EYA4: variants seen among roughly 807,000 people sequenced by gnomAD.
The protein encoded by EYA4 is protein phosphatase EYA4.
In EYA4, 31 loss-of-function variants were observed where a neutral mutation model predicts 87.9. That is an observed-to-expected ratio of 0.35 (90% confidence interval 0.27 to 0.48). The LOEUF (loss-of-function observed/expected upper bound fraction) is 0.48. EYA4 is among the 20% of genes least tolerant of loss of function. EYA4 has a pLI of 0.99. For missense variants in EYA4, 678 were observed against 761.4 expected, an observed-to-expected ratio of 0.89 and a Z score of 1.29; for synonymous variants, 263 against 270.6, an observed-to-expected ratio of 0.97 and a Z score of 0.28.
rs936696136 is a variant in EYA4, at chr6:133,294,359, G to T, written c.33+19546G>T. 2.8e-4 allele frequency among the ~76,000 whole-genome samples: 41 copies of T among 144,246 alleles called. 1 individual carries two copies. The highest frequency in any genetic ancestry group is 1.8e-3 in the Admixed American group (26 of 14,388). The allele number at this position is 144,246 out of a possible 152,430, so 94.6% of individuals were successfully genotyped here. On this transcript the variant is annotated intron_variant, in intron 2 of 19. Coordinates refer to ENST00000355286, the MANE Select transcript of EYA4 (RefSeq NM_004100.5). ...GCTCTTTCTGTTTTTTTTTTGTTTT[G>T]TTTTTGTTTTTTTTGTTTTTTTTTT...
intron 1 of EYA4, among the ~76,000 whole-genome samples, chr6:133,261,660 G>C (rs1775806564): frequency 6.6e-6 from 1 of 152,190 alleles, no homozygotes; most frequent in African/African-American, 2.4e-5. Context: ...AGCTCCTGGA[G>C]ATCAGTGGTT....
At chr6:133,336,548 A>C (rs947711389) in intron 2 of EYA4, among the ~76,000 whole-genome samples, 5 of 152,228 alleles carry the variant, frequency 3.3e-5, no homozygotes, top group African/African-American at 1.2e-4. Flanking sequence ...TAGAGTGGAT[A>C]TTTCAGACAA....
chr6:133,316,331 A>G (rs905789983), intron 2 of EYA4, among the ~76,000 whole-genome samples: 2 of 152,214 alleles, frequency 1.3e-5, no homozygotes, highest in Non-Finnish European at 2.9e-5. Flanking sequence ...CCCACCGTGC[A>G]TAATTACAGT....
intron 2 of EYA4, among the ~76,000 whole-genome samples, chr6:133,326,765 TG>T (rs1431298337): frequency 6.6e-6 from 1 of 152,190 alleles, no homozygotes; most frequent in African/African-American, 2.4e-5. Flanking sequence ...GTGACTGAAG[TG>T]CTGCTCTTAA....
chr6:133,375,309 CTT>C (rs976132191), intron 2 of EYA4, among the ~76,000 whole-genome samples: 2 of 151,886 alleles, frequency 1.3e-5, no homozygotes, highest in African/African-American at 4.8e-5. Context: ...GTGGTATTAA[CTT>C]TTAAATATTA....
At chr6:133,413,829 T>C (rs1238258284) in intron 3 of EYA4, among the ~76,000 whole-genome samples, 1 of 152,162 alleles carries the variant, frequency 6.6e-6, no homozygotes, top group African/African-American at 2.4e-5. Flanking sequence ...ACTCAACATG[T>C]CCAGAATTGA....
At chr6:133,487,769 G>A (rs1385872952) in intron 13 of EYA4, among the ~76,000 whole-genome samples, 2 of 152,220 alleles carry the variant, frequency 1.3e-5, no homozygotes, top group Non-Finnish European at 2.9e-5. Context: ...GAGACTCAGA[G>A]ATGTGCTGGC....
intron 3 of EYA4, among the ~76,000 whole-genome samples, chr6:133,402,848 G>T (rs896703797): frequency 6.6e-6 from 1 of 152,110 alleles, no homozygotes; most frequent in Admixed American, 6.5e-5. Context: ...GGTAACAGGG[G>T]ACAAGACCAG....
At chr6:133,288,455 C>G (rs116563682) in intron 2 of EYA4, among the ~76,000 whole-genome samples, 253 of 152,268 alleles carry the variant, frequency 1.7e-3, no homozygotes, top group Middle Eastern at 0.014. Flanking sequence ...CCTGGAGTTT[C>G]AAGCCTAGAA....
intron 2 of EYA4, 66 bp downstream of exon 2, chr6:133,274,879 A>G: frequency 1.7e-6 from 2 of 1,168,586 alleles, no homozygotes; most frequent in South Asian, 1.2e-5. Context: ...CATACGTAAA[A>G]GAGATATATT....
At position 133,462,723 on chromosome 6, in the gene EYA4, C is replaced by T. The variant is rs747533734; in HGVS notation, c.683C>T (p.Thr228Ile). The change falls in exon 9 of 20, where the codon ACC becomes ATC. Residue 228 changes from threonine (T) to isoleucine (I), a missense_variant. By Grantham distance (89) the Thr-to-Ile change is moderately conservative (BLOSUM62 -1). Coordinates refer to ENST00000355286, the MANE Select transcript of EYA4 (RefSeq NM_004100.5). ...GCLSYSPGFS[T>I]PQPGQTPYSY... ...CTCAGTTACAGCCCAGGGTTCTCTA[C>T]CCCACAGCCAGGCCAGACACCTTAT... 4.3e-6 allele frequency: 7 copies of T among 1,613,908 alleles called. No homozygotes were observed. Among genetic ancestry groups the T allele is most frequent in the Admixed American group, 3.3e-5 (2 of 59,974 alleles).
intron 2 of EYA4, among the ~76,000 whole-genome samples, chr6:133,375,850 G>A (rs1005946381): frequency 3.3e-5 from 5 of 151,530 alleles, no homozygotes; most frequent in Non-Finnish European, 4.4e-5. Context: ...TTTTATTTTC[G>A]CTAAATTAGA....
At chr6:133,348,296 C>CA (rs1783363903) in intron 2 of EYA4, among the ~76,000 whole-genome samples, 1 of 104,072 alleles carries the variant, frequency 9.6e-6, no homozygotes. Context: ...TTTTTGGAGA[C>CA]AGAGTCTCGC....
intron 3 of EYA4, among the ~76,000 whole-genome samples, chr6:133,433,009 C>A (rs1158173677): frequency 6.6e-6 from 1 of 152,062 alleles, no homozygotes; most frequent in Non-Finnish European, 1.5e-5. Context: ...AATTCATGTT[C>A]CTGATTCCTA....
intron 14 of EYA4, among the ~76,000 whole-genome samples, chr6:133,509,173 AG>A (rs1340206358): frequency 1.3e-5 from 2 of 152,182 alleles, no homozygotes; most frequent in Non-Finnish European, 2.9e-5. Flanking sequence ...TTACATACAT[AG>A]CGCCCTATCC....
At chr6:133,461,593 A>T (rs952780630) in intron 7 of EYA4, among the ~76,000 whole-genome samples, 1 of 152,046 alleles carries the variant, frequency 6.6e-6, no homozygotes, top group Non-Finnish European at 1.5e-5. Context: ...AGTGGTAGAT[A>T]TTTCTTAAGT....
At chr6:133,255,988 A>G (rs1266833267) in intron 1 of EYA4, among the ~76,000 whole-genome samples, 3 of 152,110 alleles carry the variant, frequency 2.0e-5, no homozygotes, top group Admixed American at 1.3e-4. Context: ...AATGCTTTTT[A>G]AAAAGATTTA....
At chr6:133,413,167 C>T (rs1270567864) in intron 3 of EYA4, among the ~76,000 whole-genome samples, 3 of 151,614 alleles carry the variant, frequency 2.0e-5, no homozygotes, top group African/African-American at 7.3e-5. Context: ...TTAATCCTGC[C>T]TGGAAATTAT....
intron 2 of EYA4, among the ~76,000 whole-genome samples, chr6:133,354,994 C>A (rs981939304): frequency 6.6e-6 from 1 of 152,178 alleles, no homozygotes; most frequent in African/African-American, 2.4e-5. Context: ...AGCTTTTAGA[C>A]AGTAGAATAA....
Sources: allele counts gnomAD v4.1 joint callset (sites outside exome capture counted in the v4.1 genomes callset), GRCh38; gene constraint gnomAD v4.1.1; transcripts MANE v1.5; gene names NCBI Gene and HGNC (gene_info 2026-07-23, HGNC 2026-07-21).